MMP16: variants seen among roughly 807,000 people sequenced by gnomAD.
MMP16 encodes matrix metalloproteinase-16.
MMP16 carries 12 observed loss-of-function variants against 67.8 expected under a neutral mutation model. The ratio of observed to expected loss-of-function variants is 0.18; its 90% CI spans 0.11 to 0.29. The LOEUF (loss-of-function observed/expected upper bound fraction) is 0.29. Ranked by LOEUF, MMP16 falls within the 10% of genes least tolerant of loss-of-function variation. The pLI is 1.00. For synonymous variants in MMP16, 249 were observed against 255.9 expected (o/e 0.97, Z 0.26); for missense variants, 475 against 765.7 (o/e 0.62, Z 4.48).
At chr8:88,255,434 A>G (rs1810286560) in intron 1 of MMP16, among the ~76,000 whole-genome samples, 1 of 152,138 alleles carries the variant, frequency 6.6e-6, no homozygotes, top group Non-Finnish European at 1.5e-5. Flanking sequence ...CTCAGGTGGT[A>G]TTTCTTTATA....
intron 4 of MMP16, among the ~76,000 whole-genome samples, chr8:88,137,956 A>C (rs528496667): frequency 6.6e-6 from 1 of 152,054 alleles, no homozygotes; most frequent in East Asian, 1.9e-4. Flanking sequence ...TTTTAGTTCT[A>C]GGGTTTCTAT....
At chr8:88,284,340 T>A (rs28986504) in intron 1 of MMP16, among the ~76,000 whole-genome samples, 1 of 152,186 alleles carries the variant, frequency 6.6e-6, no homozygotes, top group Non-Finnish European at 1.5e-5. Flanking sequence ...ATGTGGTGCA[T>A]ATCAAATATG....
At chr8:88,106,490 C>T (rs1310572865) in intron 6 of MMP16, among the ~76,000 whole-genome samples, 1 of 151,204 alleles carries the variant, frequency 6.6e-6, no homozygotes, top group African/African-American at 2.4e-5. Flanking sequence ...CCTTTGAGTG[C>T]TTTTGAGAGT....
chr8:88,274,439 A>G (rs1346267267), intron 1 of MMP16, among the ~76,000 whole-genome samples: 1 of 152,058 alleles, frequency 6.6e-6, no homozygotes, highest in Non-Finnish European at 1.5e-5. Flanking sequence ...TTAATACGTA[A>G]GTCCACAGAC....
chr8:88,175,315 G>C (rs943380892), intron 3 of MMP16, among the ~76,000 whole-genome samples: 5 of 152,042 alleles, frequency 3.3e-5, no homozygotes, highest in African/African-American at 1.2e-4. Context: ...TCTGCATATT[G>C]TCAGGGTACA....
At chr8:88,231,300 A>G (rs1809855864) in intron 1 of MMP16, among the ~76,000 whole-genome samples, 1 of 152,212 alleles carries the variant, frequency 6.6e-6, no homozygotes, top group African/African-American at 2.4e-5. Context: ...ATAACCCAGT[A>G]TAAACATAAA....
At position 88,142,414 on chromosome 8, in the gene MMP16, G is replaced by A. The variant is rs1387427772; in HGVS notation, c.710-23553C>T. Among the ~76,000 whole-genome samples the A allele has an allele frequency of 1.3e-5, 2 of 151,908 alleles. 1 individual carries two copies. The highest frequency in any genetic ancestry group is 2.9e-5 in the Non-Finnish European group (2 of 67,982). On this transcript the variant is annotated intron_variant, in intron 4 of 9. Transcript: ENST00000286614. ...ACAATACACAACAATTGTACATATA[G>A]CTGCCCAGATTTACATCTCTGCTTT...
chr8:88,269,934 A>G (rs1227587735), intron 1 of MMP16, among the ~76,000 whole-genome samples: 1 of 152,204 alleles, frequency 6.6e-6, no homozygotes, highest in East Asian at 1.9e-4. Context: ...AAAATATCTC[A>G]TATTATAATC....
chr8:88,055,104 C>G (rs1479670945), intron 8 of MMP16, among the ~76,000 whole-genome samples: 1 of 152,042 alleles, frequency 6.6e-6, no homozygotes, highest in Non-Finnish European at 1.5e-5. Flanking sequence ...TAAATTAATA[C>G]AAATATAGGC....
intron 4 of MMP16, among the ~76,000 whole-genome samples, chr8:88,136,952 CAT>C (rs1410390020): frequency 4.0e-5 from 6 of 151,844 alleles, no homozygotes; most frequent in Non-Finnish European, 7.4e-5. Flanking sequence ...AGTTCTAATA[CAT>C]ATGTTTGTGT....
chr8:88,243,059 G>C (rs982473299), intron 1 of MMP16, among the ~76,000 whole-genome samples: 1 of 152,158 alleles, frequency 6.6e-6, no homozygotes, highest in Non-Finnish European at 1.5e-5. Flanking sequence ...ATACTTGCAA[G>C]AATGTTTTTC....
intron 4 of MMP16, among the ~76,000 whole-genome samples, chr8:88,161,777 A>G (rs1808628495): frequency 6.6e-6 from 1 of 152,120 alleles, no homozygotes; most frequent in Non-Finnish European, 1.5e-5. Context: ...GTTTCAAAGA[A>G]CATCTTTATT....
chr8:88,137,203 A>G (rs576074451), intron 4 of MMP16, among the ~76,000 whole-genome samples: 36 of 151,496 alleles, frequency 2.4e-4, no homozygotes, highest in African/African-American at 8.7e-4. Context: ...TCTTTTATCT[A>G]TTTTCATATT....
chr8:88,118,761 G>A lies in MMP16; in HGVS notation c.810C>T (p.Tyr270=), dbSNP rs372051366. 2 of 1,613,264 alleles carry A rather than the reference G, an allele frequency of 1.2e-6. No homozygotes were observed. The highest frequency in any genetic ancestry group is 1.7e-6 in the Non-Finnish European group (2 of 1,179,452). ...GTAGTTTGAAGTTGTCTGTTTCCATGTACTGGTAAAATGGAGCCATGATGG... is the reference window on the plus strand; with the variant it reads ...GTAGTTTGAAGTTGTCTGTTTCCATATACTGGTAAAATGGAGCCATGATGG... ...PTAIMAPFYQ[Y]METDNFKLPN... is the part of the protein sequence containing the mutation. The change falls in exon 5 of 10, where the codon TAC becomes TAT. Residue 270 remains tyrosine (Y), a synonymous_variant. Transcript: ENST00000286614.
At chr8:88,163,769 A>C (rs184393639) in intron 4 of MMP16, among the ~76,000 whole-genome samples, 12 of 152,238 alleles carry the variant, frequency 7.9e-5, no homozygotes, top group African/African-American at 2.4e-4. Context: ...AAATTTTCCA[A>C]GTCTCATTCA....
In MMP16 at chr8:88,193,311, C is replaced by G. The variant is rs375847925; in HGVS notation, c.281+3847G>C. On this transcript the variant is annotated intron_variant, in intron 2 of 9. Coordinates refer to ENST00000286614, the MANE Select transcript of MMP16 (RefSeq NM_005941.5). ...GTGAAATAGGTCAGGCACAAAAAGA[C>G]AAATATTGCATTGCATGTTTTCACA... Among the ~76,000 whole-genome samples the G allele has an allele frequency of 7.9e-5, 12 of 152,064 alleles. No individual in the cohort carries two copies. The East Asian group carries it at 2.1e-3, about 27-fold the overall frequency.
intron 1 of MMP16, among the ~76,000 whole-genome samples, chr8:88,207,932 G>A (rs1181422920): frequency 6.6e-6 from 1 of 152,120 alleles, no homozygotes; most frequent in African/African-American, 2.4e-5. Flanking sequence ...GAAGGTGAAG[G>A]TTCTAAAGCT....
chr8:88,196,020 A>C (rs2129778352), intron 2 of MMP16, among the ~76,000 whole-genome samples: 1 of 152,352 alleles, frequency 6.6e-6, no homozygotes, highest in East Asian at 1.9e-4. Context: ...AAGTCTAGAT[A>C]ATCCAGGTAT....
intron 1 of MMP16, among the ~76,000 whole-genome samples, chr8:88,213,862 C>T (rs1011387928): frequency 6.6e-6 from 1 of 152,078 alleles, no homozygotes; most frequent in Admixed American, 6.6e-5. Flanking sequence ...TTTCTGTTTC[C>T]TGATGCTTCT....
Sources: gnomAD v4.1 joint callset for allele counts (sites outside exome capture counted in the v4.1 genomes callset) on GRCh38, gnomAD v4.1.1 for gene constraint, MANE v1.5 for transcripts, NCBI Gene and HGNC (gene_info 2026-07-23, HGNC 2026-07-21) for gene names.